The following LPP variants were observed in gnomAD, a reference collection of about 807,000 sequenced individuals.
LPP encodes the protein lipoma-preferred partner.
LPP carries 38 observed loss-of-function variants against 60.4 expected under a neutral mutation model. That is an observed-to-expected ratio of 0.63 (90% CI 0.49 to 0.83). The LOEUF (loss-of-function observed/expected upper bound fraction) is 0.83, where lower values mean the gene tolerates loss of function less well. LPP is among the 40% of genes least tolerant of loss of function. The pLI is 0.00. For missense variants in LPP, 902 were observed against 783.6 expected, an observed-to-expected ratio of 1.15 and a Z score of -1.80; for synonymous variants, 328 against 290.8, an observed-to-expected ratio of 1.13 and a Z score of -1.30.
intron 4 of LPP, among the ~76,000 whole-genome samples, chr3:188,430,830 A>C (rs1185581990): frequency 1.3e-5 from 2 of 152,074 alleles, no homozygotes; most frequent in Non-Finnish European, 1.5e-5. Flanking sequence ...TTCCCCACCC[A>C]GCTCAACATT....
chr3:188,355,381 G>A (rs955040668), intron 3 of LPP, among the ~76,000 whole-genome samples: 1 of 151,938 alleles, frequency 6.6e-6, no homozygotes, highest in African/African-American at 2.4e-5. Flanking sequence ...AAAACGCCCT[G>A]GTAAAATCAC....
chr3:188,811,378 A>ACACACACG, intron 9 of LPP, among the ~76,000 whole-genome samples: 1 of 147,562 alleles, frequency 6.8e-6, no homozygotes. Flanking sequence ...ACACACACAC[A>ACACACACG]CACACACGCA....
intron 8 of LPP, among the ~76,000 whole-genome samples, chr3:188,753,904 A>T (rs1729137764): frequency 6.6e-6 from 1 of 152,116 alleles, no homozygotes. Context: ...AATCAGATAT[A>T]CACAAGCACA....
rs112827527 is a variant in LPP, at chr3:188,813,536, G to A, written c.1411-52664G>A. On this transcript the variant is annotated intron_variant, in intron 9 of 11. Coordinates refer to ENST00000617246, the MANE Select transcript of LPP (RefSeq NM_001375462.1). ...GAATATGAATTCTTAATCACTACTC[G>A]TGTTTATTCATTCCACATGTCACTG... Among the ~76,000 whole-genome samples, 463 of 152,138 alleles carry A rather than the reference G, an allele frequency of 3.0e-3. 3 individuals carry two copies. Among genetic ancestry groups the A allele is most frequent in the African/African-American group, 0.011 (447 of 41,490 alleles).
intron 3 of LPP, among the ~76,000 whole-genome samples, chr3:188,342,282 C>A (rs1046468971): frequency 6.6e-6 from 1 of 152,176 alleles, no homozygotes; most frequent in Non-Finnish European, 1.5e-5. Flanking sequence ...TCTTTTGAAA[C>A]CTTGCATCCA....
chr3:188,505,231 G>A (rs1579437926), intron 5 of LPP, among the ~76,000 whole-genome samples: 1 of 152,276 alleles, frequency 6.6e-6, no homozygotes, highest in African/African-American at 2.4e-5. Context: ...GGTGCCTCCT[G>A]CTTTGCCATA....
In LPP at chr3:188,888,180, C is replaced by T. The variant is rs886798118; in HGVS notation, c.*13701C>T. ...TTTAACCTACACCTTTATCATTACTCTAACAGATTTAGGGCTTCTCTTTCT... is the reference window on the plus strand; with the variant it reads ...TTTAACCTACACCTTTATCATTACTTTAACAGATTTAGGGCTTCTCTTTCT... On this transcript the variant is annotated 3_prime_UTR_variant, in exon 12 of 12. Transcript: ENST00000617246. The T allele has an allele frequency of 1.4e-5, 3 of 218,426 alleles. No homozygotes were observed. Among genetic ancestry groups the T allele is most frequent in the African/African-American group, 6.7e-5 (3 of 44,536 alleles). The allele number at this position is 218,426 out of a possible 1,614,324, so 13.5% of individuals were successfully genotyped here.
chr3:188,643,254 A>G (rs910018845), intron 7 of LPP, among the ~76,000 whole-genome samples: 3 of 152,228 alleles, frequency 2.0e-5, no homozygotes, highest in African/African-American at 4.8e-5. Context: ...AAATATTAAG[A>G]GAACTTACTT....
chr3:188,409,818 C>T (rs960446795), intron 4 of LPP, among the ~76,000 whole-genome samples: 2 of 152,166 alleles, frequency 1.3e-5, no homozygotes, highest in African/African-American at 2.4e-5. Flanking sequence ...ATAGAAATCA[C>T]GCAATCCATC....
At position 188,886,634 on chromosome 3, in the gene LPP, G is replaced by GA. The variant is rs1480935859; in HGVS notation, c.*12161dup. 5 of 210,606 alleles carry GA rather than the reference G, an allele frequency of 2.4e-5. No individual in the cohort carries two copies. The highest frequency in any genetic ancestry group is 4.7e-5 in the Non-Finnish European group (5 of 105,600). The allele number at this position is 210,606 out of a possible 1,614,324, so 13.0% of individuals were successfully genotyped here. A position where few individuals can be genotyped will look rare whatever the true frequency, so the allele number is the denominator to read the frequency against. On this transcript the variant is annotated 3_prime_UTR_variant, in exon 12 of 12. Transcript: ENST00000617246. ...CTAATTTATCTTCACATAATATAAA[G>GA]AAAAAACTAATAAAAATTTTCGTAT...
intron 6 of LPP, among the ~76,000 whole-genome samples, chr3:188,554,785 C>T (rs570849353): frequency 2.0e-5 from 3 of 152,212 alleles, no homozygotes; most frequent in Admixed American, 6.5e-5. Context: ...TAAGAATAAC[C>T]AGAGGAGTCA....
Position 188,886,074 on chromosome 3 carries a change from T to A in LPP, c.*11595T>A, listed in dbSNP as rs1271678220. The A allele has an allele frequency of 2.6e-5, 4 of 151,536 alleles. No homozygotes were observed. Among genetic ancestry groups the A allele is most frequent in the Non-Finnish European group, 5.9e-5 (4 of 67,964 alleles). The allele number at this position is 151,536 out of a possible 1,614,324, so 9.4% of individuals were successfully genotyped here. On this transcript the variant is annotated 3_prime_UTR_variant, in exon 12 of 12. Transcript: ENST00000617246. ...GGACAAAAAACCAAACACCACATGT[T>A]CTCACTCACAGGTGGGAATTGAACA...
chr3:188,669,438 T>C (rs936254185), intron 7 of LPP, among the ~76,000 whole-genome samples: 11 of 151,982 alleles, frequency 7.2e-5, no homozygotes, highest in African/African-American at 2.4e-4. Context: ...TAGCTGGGCG[T>C]GGTGGCGGGC....
At chr3:188,836,625 T>C (rs535687888) in intron 9 of LPP, among the ~76,000 whole-genome samples, 4 of 152,264 alleles carry the variant, frequency 2.6e-5, no homozygotes, top group Non-Finnish European at 5.9e-5. Flanking sequence ...AGCTGCTTAA[T>C]TCTATTAGAT....
chr3:188,445,371 C>T (rs1220746734), intron 4 of LPP, among the ~76,000 whole-genome samples: 1 of 152,108 alleles, frequency 6.6e-6, no homozygotes, highest in African/African-American at 2.4e-5. Flanking sequence ...CCATCATTCT[C>T]AGCAAACTGA....
rs1354172416 is a variant in LPP, at chr3:188,572,425, A to G, written c.430-36736A>G. Among the ~76,000 whole-genome samples the G allele has an allele frequency of 6.6e-6, 1 of 152,126 alleles. No individual in the cohort carries two copies. The highest frequency in any genetic ancestry group is 2.4e-5 in the African/African-American group (1 of 41,448). On this transcript the variant is annotated intron_variant, in intron 6 of 11. Transcript: ENST00000617246. The surrounding 1 kb of genome is among the most constrained non-coding windows in gnomAD (Gnocchi z 4.1). ...CTCAATAAATGTTAGACTCCTCATT[A>G]GGATTTGGGTAGAGGTTAATGTCGG...
At chr3:188,435,451 C>G (rs1342432892) in intron 4 of LPP, among the ~76,000 whole-genome samples, 1 of 152,096 alleles carries the variant, frequency 6.6e-6, no homozygotes, top group East Asian at 1.9e-4. Flanking sequence ...ACAGTACTAC[C>G]TCCTACTTGG....
At chr3:188,566,675 G>A (rs1056249186) in intron 6 of LPP, among the ~76,000 whole-genome samples, 3 of 151,722 alleles carry the variant, frequency 2.0e-5, no homozygotes, top group East Asian at 3.9e-4. Flanking sequence ...AATCATATAC[G>A]AGAAGCTAAC....
At chr3:188,395,078 C>G (rs1189950961) in intron 3 of LPP, among the ~76,000 whole-genome samples, 1 of 152,016 alleles carries the variant, frequency 6.6e-6, no homozygotes, top group Non-Finnish European at 1.5e-5. Flanking sequence ...AGTTGGATTT[C>G]TTTGTTTTCT....
Sources: allele counts gnomAD v4.1 joint callset (sites outside exome capture counted in the v4.1 genomes callset), GRCh38; gene constraint gnomAD v4.1.1; non-coding constraint Gnocchi (gnomAD v3.1); transcripts MANE v1.5; gene names NCBI Gene and HGNC (gene_info 2026-07-23, HGNC 2026-07-21).